FLRT2: variants seen among roughly 807,000 people sequenced by gnomAD.
FLRT2 encodes the protein leucine-rich repeat transmembrane protein FLRT2.
Under a neutral mutation model 40.0 loss-of-function variants are expected in FLRT2, and 15 were observed. The observed-to-expected ratio is 0.38, with a 90% CI of 0.25 to 0.58. FLRT2 has a LOEUF of 0.58. Among genes scored for constraint, FLRT2 ranks in the 20% least tolerant of loss-of-function variants. FLRT2 has a pLI of 0.71. For missense variants in FLRT2, 726 were observed against 840.0 expected (o/e 0.86, Z 1.68); for synonymous variants, 380 against 336.8 (o/e 1.13, Z -1.41).
chr14:85,618,088 G>T lies in FLRT2; in HGVS notation c.-376-3051G>T, dbSNP rs538910956. ...ACAGTTCAGGAAATGGAAAATTTAC[G>T]ATCTGGATGCATAATAATAGTTTCT... On this transcript the variant is annotated intron_variant, in intron 1 of 1. Coordinates refer to ENST00000330753, the MANE Select transcript of FLRT2 (RefSeq NM_013231.6). Among the ~76,000 whole-genome samples the T allele has an allele frequency of 7.2e-5, 11 of 152,280 alleles. No homozygotes were observed. In the South Asian group the frequency reaches 2.3e-3, roughly 32 times the overall value.
In FLRT2 at chr14:85,645,134, C is replaced by T. The variant is rs1171884880; in HGVS notation, c.*21637C>T. 6.8e-6 allele frequency: 1 copy of T among 146,660 alleles called. No homozygotes were observed. Among genetic ancestry groups the T allele is most frequent in the Non-Finnish European group, 1.5e-5 (1 of 66,562 alleles). 9.1% of individuals were successfully genotyped at this position (146,660 alleles called of 1,614,324 possible). On this transcript the variant is annotated 3_prime_UTR_variant, in exon 2 of 2. Transcript: ENST00000330753. ...AGCTTGGGCAGCAGAACTCCTACAT[C>T]AAGTAAAAAGTATATATATACACAC...
Position 85,621,497 on chromosome 14 carries a change from T to G in FLRT2, c.-18T>G, listed in dbSNP as rs2139369399. 6.4e-7 allele frequency: 1 copy of G among 1,559,994 alleles called. No individual in the cohort carries two copies. The highest frequency in any genetic ancestry group is 2.3e-5 in the East Asian group (1 of 44,366). On this transcript the variant is annotated 5_prime_UTR_variant, in exon 2 of 2. Transcript: ENST00000330753. ...TTCTTTTTCCCACCACATTGTATTT[T>G]ATTTCCGTACTTCAGAAATGGGCCT...
At chr14:85,583,869 A>G (rs1332103857) in intron 1 of FLRT2, among the ~76,000 whole-genome samples, 2 of 152,068 alleles carry the variant, frequency 1.3e-5, no homozygotes, top group Admixed American at 6.6e-5. Flanking sequence ...GTGCGCCTGT[A>G]ATCCCAGCTA....
chr14:85,576,484 A>C (rs1891131988), intron 1 of FLRT2, among the ~76,000 whole-genome samples: 1 of 152,188 alleles, frequency 6.6e-6, no homozygotes, highest in Admixed American at 6.5e-5. Flanking sequence ...TGGTGCTTGC[A>C]AACTGGGAGC....
intron 1 of FLRT2, among the ~76,000 whole-genome samples, chr14:85,559,964 T>G (rs536689926): frequency 6.6e-6 from 1 of 152,308 alleles, no homozygotes; most frequent in South Asian, 2.1e-4. Flanking sequence ...AATGCAGACT[T>G]CCCAGAGGCT....
At position 85,652,171 on chromosome 14, in the gene FLRT2, CATATT is replaced by C; in HGVS notation, c.*28676_*28680del. ...ATGTTGCTGAAGATTCTTTCATAAA[CATATT>C]AAAGTCAATTATAATTCTGTTTTTA... On this transcript the variant is annotated 3_prime_UTR_variant, in exon 2 of 2. Coordinates refer to ENST00000330753, the MANE Select transcript of FLRT2 (RefSeq NM_013231.6). 1.3e-5 allele frequency: 2 copies of C among 152,206 alleles called. 1 individual carries two copies. The highest frequency in any genetic ancestry group is 4.2e-4 in the South Asian group (2 of 4,818). 9.4% of individuals were successfully genotyped at this position (152,206 alleles called of 1,614,324 possible).
chr14:85,536,812 C>G (rs1888689751), intron 1 of FLRT2, among the ~76,000 whole-genome samples: 2 of 152,070 alleles, frequency 1.3e-5, no homozygotes, highest in African/African-American at 4.8e-5. Flanking sequence ...ATGTTATGGA[C>G]TAATAGAGAG....
chr14:85,653,554 A>C lies in FLRT2; in HGVS notation c.*30057A>C, dbSNP rs746352789. On this transcript the variant is annotated 3_prime_UTR_variant, in exon 2 of 2. Transcript: ENST00000330753. ...TAGGGGATCTATTAGTATTCTCCAC[A>C]TTGCTACTGAAACTTGCTGCCTTTT... is the stretch of plus-strand genomic sequence containing the variant. The C allele has an allele frequency of 6.6e-6, 1 of 152,206 alleles. No homozygotes were observed. The highest frequency in any genetic ancestry group is 1.5e-5 in the Non-Finnish European group (1 of 68,064). 9.4% of individuals were successfully genotyped at this position (152,206 alleles called of 1,614,324 possible).
chr14:85,570,094 G>A (rs1955425), intron 1 of FLRT2, among the ~76,000 whole-genome samples: 48,728 of 152,104 alleles, frequency 0.32, 9,982 homozygotes, highest in African/African-American at 0.57. Context: ...TCCAGCTTCT[G>A]ATATTAACAG....
chr14:85,623,409 G>A lies in FLRT2; in HGVS notation c.1895G>A (p.Gly632Glu). The A allele has an allele frequency of 1.3e-6, 2 of 1,504,620 alleles. No individual in the cohort carries two copies. The highest frequency in any genetic ancestry group is 1.8e-6 in the Non-Finnish European group (2 of 1,129,430). 93.2% of individuals were successfully genotyped at this position (1,504,620 alleles called of 1,614,324 possible). A position where few individuals can be genotyped will look rare whatever the true frequency, so the allele number is the denominator to read the frequency against. ...FRLQPIYTPN[G>E]GINYTDCHIP... ...CTGCAGCCCATTTACACCCCAAATG[G>A]GGGCATTAATTACACAGACTGCCAT... Residue 632 changes from glycine to glutamate, a missense_variant, in exon 2 of 2, where the codon GGG (glycine) becomes GAG (glutamate). This residue lies in a region of FLRT2 where 611 missense variants were observed against 690.0 expected (regional missense o/e 0.89). Coordinates refer to ENST00000330753, the MANE Select transcript of FLRT2 (RefSeq NM_013231.6).
At chr14:85,577,168 A>C (rs1171216791) in intron 1 of FLRT2, among the ~76,000 whole-genome samples, 3 of 152,226 alleles carry the variant, frequency 2.0e-5, no homozygotes, top group Non-Finnish European at 4.4e-5. Flanking sequence ...AACCCTATTT[A>C]AATACTGTAG....
rs1260616861 is a variant in FLRT2, at chr14:85,627,490, T to G, written c.*3993T>G. 1 of 167,026 alleles carries G rather than the reference T, an allele frequency of 6.0e-6. No homozygotes were observed. Among genetic ancestry groups the G allele is most frequent in the African/African-American group, 2.4e-5 (1 of 41,424 alleles). 10.3% of individuals were successfully genotyped at this position (167,026 alleles called of 1,614,324 possible). On this transcript the variant is annotated 3_prime_UTR_variant, in exon 2 of 2. Transcript: ENST00000330753. ...AAATTTTTTTACTATAGTTTTTTGTTTTCTACCTGCACACCCACCAGAAGA... is the reference window on the plus strand; with the variant it reads ...AAATTTTTTTACTATAGTTTTTTGTGTTCTACCTGCACACCCACCAGAAGA...
intron 1 of FLRT2, among the ~76,000 whole-genome samples, chr14:85,580,190 C>G (rs753475899): frequency 1.3e-5 from 2 of 152,122 alleles, no homozygotes; most frequent in Non-Finnish European, 2.9e-5. Context: ...AGATGCCAGG[C>G]ACATTCAGCC....
At chr14:85,577,896 A>G (rs376789814) in intron 1 of FLRT2, among the ~76,000 whole-genome samples, 2 of 150,474 alleles carry the variant, frequency 1.3e-5, no homozygotes, top group African/African-American at 4.9e-5. Flanking sequence ...TTACTTTTTT[A>G]TTTTTTTTCA....
At chr14:85,585,720 T>C (rs540689418) in intron 1 of FLRT2, among the ~76,000 whole-genome samples, 134 of 152,210 alleles carry the variant, frequency 8.8e-4, no homozygotes, top group African/African-American at 3.2e-3. Context: ...ACCTTGTTTT[T>C]CTCATATTTA....
intron 1 of FLRT2, among the ~76,000 whole-genome samples, chr14:85,566,402 G>C (rs1465077215): frequency 6.6e-6 from 1 of 152,132 alleles, no homozygotes; most frequent in African/African-American, 2.4e-5. Flanking sequence ...TTCTGCTTTA[G>C]ACTGAAATCA....
At chr14:85,577,429 A>G (rs1891164588) in intron 1 of FLRT2, among the ~76,000 whole-genome samples, 1 of 152,110 alleles carries the variant, frequency 6.6e-6, no homozygotes, top group African/African-American at 2.4e-5. Flanking sequence ...TCACAAGCTC[A>G]CTGCTGCTGT....
At position 85,622,972 on chromosome 14, in the gene FLRT2, A is replaced by G. The variant is rs1893483678; in HGVS notation, c.1458A>G (p.Arg486=). The G allele has an allele frequency of 6.2e-7, 1 of 1,614,152 alleles. No homozygotes were observed. The highest frequency in any genetic ancestry group is 8.5e-7 in the Non-Finnish European group (1 of 1,180,026). Residue 486 remains arginine (R), a synonymous_variant, in exon 2 of 2, where the codon CGA becomes CGG. Coordinates refer to ENST00000330753, the MANE Select transcript of FLRT2 (RefSeq NM_013231.6). ...QHLSLVNLEP[R]STYRICLVPL... Reference sequence around the variant, plus strand: ...TGAGCCTGGTTAACTTAGAGCCCCGATCCACCTATCGGATTTGTTTAGTGC... The same window carrying G: ...TGAGCCTGGTTAACTTAGAGCCCCGGTCCACCTATCGGATTTGTTTAGTGC...
intron 1 of FLRT2, among the ~76,000 whole-genome samples, chr14:85,604,117 T>G (rs759347996): frequency 3.3e-5 from 5 of 152,106 alleles, no homozygotes; most frequent in Non-Finnish European, 5.9e-5. Flanking sequence ...TGAAAACATT[T>G]TTGTGGAGTA....
Sources: gnomAD v4.1 joint callset for allele counts (sites outside exome capture counted in the v4.1 genomes callset) on GRCh38, gnomAD v4.1.1 for gene constraint, gnomAD v4.1.1 regional missense constraint, MANE v1.5 for transcripts, NCBI Gene and HGNC (gene_info 2026-07-23, HGNC 2026-07-21) for gene names.